SI: variants seen among roughly 807,000 people sequenced by gnomAD.
SI encodes sucrase-isomaltase, intestinal.
Under a neutral mutation model 253.3 loss-of-function variants are expected in SI, and 235 were observed. The observed-to-expected ratio is 0.93, with a 90% CI of 0.83 to 1.03. The LOEUF (loss-of-function observed/expected upper bound fraction) is 1.03, where lower values mean the gene tolerates loss of function less well. Ranked by LOEUF, SI falls within the 50% of genes least tolerant of loss-of-function variation. The probability of loss-of-function intolerance (pLI) is 0.00; values close to 1 mark genes in which losing one functional copy is unlikely to be tolerated. For synonymous variants in SI, 819 were observed against 712.0 expected (o/e 1.15, Z -2.39); for missense variants, 2,442 against 2,211.1 (o/e 1.10, Z -2.09).
chr3:165,087,104 A>G, the SI span, among the ~76,000 whole-genome samples: 15 of 152,078 alleles, frequency 9.9e-5, no homozygotes, highest in Non-Finnish European at 2.1e-4. Flanking sequence ...ACCTGAAGCT[A>G]GGGCAATGAA....
Position 165,016,078 on chromosome 3 carries a change from A to C in SI, c.3762T>G (p.Asp1254Glu), listed in dbSNP as rs1719013028. The C allele has an allele frequency of 6.2e-7, 1 of 1,612,498 alleles. No homozygotes were observed. The highest frequency in any genetic ancestry group is 1.7e-5 in the Admixed American group (1 of 59,954). Residue 1254 changes from aspartate (D) to glutamate (E), a missense_variant and splice_region_variant, in exon 32 of 48, where the codon GAT becomes GAG. By Grantham distance (45) the Asp-to-Glu change is conservative. Transcript: ENST00000264382. ...DAMVAANIPY[D>E]VQYTDIDYME... ...TGTAGTCAATGTCTGTGTACTGAACATCCTGAAATATCCAAAAATTATCAA... is the reference window on the plus strand; with the variant it reads ...TGTAGTCAATGTCTGTGTACTGAACCTCCTGAAATATCCAAAAATTATCAA...
chr3:165,023,572 T>C lies in SI; in HGVS notation c.3097A>G (p.Lys1033Glu). The change falls in exon 26 of 48, where the codon AAG (lysine) becomes GAG (glutamate). Residue 1033 changes from lysine to glutamate, a missense_variant and splice_region_variant. Physicochemically the swap from Lys to Glu is moderately conservative, Grantham distance 56. Transcript: ENST00000264382. ...GGGGTAGTTTATATCAAGCATACCT[T>C]AAACTGCAACATATCATTTTTGTGA... ...KYHKNDMLQF[K>E]IYDPQKKRYE... 2 of 1,608,970 alleles carry C rather than the reference T, an allele frequency of 1.2e-6. No individual in the cohort carries two copies. The highest frequency in any genetic ancestry group is 1.7e-6 in the Non-Finnish European group (2 of 1,176,310).
chr3:165,044,622 A>T (rs190039538), intron 16 of SI, among the ~76,000 whole-genome samples: 1 of 152,032 alleles, frequency 6.6e-6, no homozygotes. Context: ...ATTTTTACAG[A>T]TTTAAGGTAG....
intron 1 of SI, among the ~76,000 whole-genome samples, chr3:165,077,794 A>G (rs912217108): frequency 6.6e-6 from 1 of 151,618 alleles, no homozygotes; most frequent in African/African-American, 2.4e-5. Flanking sequence ...TAAAAAATGC[A>G]TTTTTGTCAT....
intron 6 of SI, among the ~76,000 whole-genome samples, chr3:165,066,902 C>T (rs1714273554): frequency 1.3e-5 from 2 of 151,852 alleles, no homozygotes; most frequent in African/African-American, 2.4e-5. Context: ...CTCATACAAT[C>T]ATAATGAAGG....
At chr3:165,036,887 TA>T (rs1010553748) in intron 21 of SI, among the ~76,000 whole-genome samples, 5 of 151,762 alleles carry the variant, frequency 3.3e-5, no homozygotes, top group African/African-American at 1.2e-4. Context: ...GATTAAAATT[TA>T]AAAAAAGTTT....
At position 164,989,689 on chromosome 3, in the gene SI, C is replaced by T. The variant is rs187188111; in HGVS notation, c.5108+1664G>A. On this transcript the variant is annotated intron_variant, in intron 44 of 47. Transcript: ENST00000264382. ...CAAATTAATGGAAAGGAAAGAGACACCTCCAAGCAATACTGACTTAAAGCT... is the reference window on the plus strand; with the variant it reads ...CAAATTAATGGAAAGGAAAGAGACATCTCCAAGCAATACTGACTTAAAGCT... Among the ~76,000 whole-genome samples, 462 of 152,090 alleles carry T rather than the reference C, an allele frequency of 3.0e-3. 5 individuals are homozygous for T. Among genetic ancestry groups the T allele is most frequent in the African/African-American group, 0.011 (444 of 41,514 alleles).
At chr3:165,089,068 C>T in the SI span, among the ~76,000 whole-genome samples, 1 of 122,850 alleles carries the variant, frequency 8.1e-6, no homozygotes, top group African/African-American at 3.0e-5. Context: ...TTTTTACGGC[C>T]TTTTCTTTTT....
In SI at chr3:165,017,866, T is replaced by A; in HGVS notation, c.3528A>T (p.Thr1176=). 2.5e-6 allele frequency: 4 copies of A among 1,611,442 alleles called. No individual in the cohort carries two copies. The South Asian group carries it at 4.4e-5, about 18-fold the overall frequency. ...AAGTTAGAGCAGGAGTTGGCTGGAATGTAACATCTGGAAATCCAAAATAAC... is the reference window on the plus strand; with the variant it reads ...AAGTTAGAGCAGGAGTTGGCTGGAAAGTAACATCTGGAAATCCAAAATAAC... ...FLLNSNAMDV[T]FQPTPALTYR... The change falls in exon 30 of 48, where the codon ACA becomes ACT. Residue 1176 remains threonine (T), a synonymous_variant. Transcript: ENST00000264382.
At chr3:165,030,609 AT>A (rs1332916339) in intron 25 of SI, 102 bp downstream of exon 25, 65 of 1,212,880 alleles carry the variant, frequency 5.4e-5, no homozygotes, top group Middle Eastern at 5.7e-4. Flanking sequence ...ATCTACTTGA[AT>A]TTAGTTTATA....
intron 34 of SI, among the ~76,000 whole-genome samples, chr3:165,012,491 C>T (rs1412853083): frequency 9.9e-5 from 15 of 151,990 alleles, no homozygotes; most frequent in African/African-American, 3.4e-4. Context: ...TGCAGTGGTG[C>T]GATCTGGGCT....
intron 3 of SI, among the ~76,000 whole-genome samples, chr3:165,072,686 G>C (rs1409182702): frequency 2.0e-5 from 3 of 152,016 alleles, no homozygotes; most frequent in Non-Finnish European, 4.4e-5. Flanking sequence ...AGCTCACATT[G>C]AAATTTGCAT....
chr3:165,062,254 G>T, intron 9 of SI, 117 bp downstream of exon 9: 3 of 644,532 alleles, frequency 4.7e-6, no homozygotes, highest in East Asian at 5.6e-5. Context: ...TAAGATTTTC[G>T]AAAACATTTA....
chr3:165,030,746 T>C lies in SI; in HGVS notation c.2858A>G (p.Gln953Arg). 6.2e-7 allele frequency: 1 copy of C among 1,609,396 alleles called. No homozygotes were observed. Among genetic ancestry groups the C allele is most frequent in the East Asian group, 2.2e-5 (1 of 44,672 alleles). Reference protein sequence around the residue: ...CYPDADLATEQKCTQRGCVWR... With the variant: ...CYPDADLATERKCTQRGCVWR... Reference sequence around the variant, plus strand: ...TACACAGCCACGTTGTGTGCACTTTTGTTCAGTTGCCAAATCTGCATCTGG... The same window carrying C: ...TACACAGCCACGTTGTGTGCACTTTCGTTCAGTTGCCAAATCTGCATCTGG... Residue 953 changes from glutamine (Q) to arginine (R), a missense_variant, in exon 25 of 48, where the codon CAA (glutamine) becomes CGA (arginine). Physicochemically the swap from Gln to Arg is conservative, Grantham distance 43 (BLOSUM62 1). Transcript: ENST00000264382.
chr3:164,979,306 G>T lies in SI; in HGVS notation c.*56C>A. ...GTGAAGAGGGAAAATTGTAAGTGCTGTGAAACTTAAATCCTGGTGTTTTTT... is the reference window on the plus strand; with the variant it reads ...GTGAAGAGGGAAAATTGTAAGTGCTTTGAAACTTAAATCCTGGTGTTTTTT... On this transcript the variant is annotated 3_prime_UTR_variant, in exon 48 of 48. Transcript: ENST00000264382. 1 of 1,025,174 alleles carries T rather than the reference G, an allele frequency of 9.8e-7. No individual in the cohort carries two copies. The highest frequency in any genetic ancestry group is 1.5e-6 in the Non-Finnish European group (1 of 648,014). The allele number at this position is 1,025,174 out of a possible 1,614,324, so 63.5% of individuals were successfully genotyped here.
chr3:165,081,485 G>A (rs921728565), upstream of SI, among the ~76,000 whole-genome samples: 9 of 151,942 alleles, frequency 5.9e-5, 1 homozygote, highest in South Asian at 4.1e-4. Flanking sequence ...AATCATGGAC[G>A]TCTACAGTAG....
At chr3:165,069,695 C>A (rs965231290) in intron 3 of SI, among the ~76,000 whole-genome samples, 8 of 151,874 alleles carry the variant, frequency 5.3e-5, no homozygotes, top group Middle Eastern at 3.4e-3. Flanking sequence ...AGTTTATGTG[C>A]CAGGTATCAC....
chr3:164,994,199 G>C, intron 41 of SI, 58 bp downstream of exon 41: 1 of 1,469,682 alleles, frequency 6.8e-7, no homozygotes, highest in South Asian at 1.1e-5. Flanking sequence ...AGAGATCATT[G>C]GGTAAATTAA....
chr3:165,031,194 C>A (rs933073394), intron 24 of SI, among the ~76,000 whole-genome samples: 5 of 149,386 alleles, frequency 3.3e-5, no homozygotes, highest in Middle Eastern at 3.2e-3. Flanking sequence ...ATAATGTGAG[C>A]AAGATTTATC....
Sources: gnomAD v4.1 joint callset for allele counts (sites outside exome capture counted in the v4.1 genomes callset) on GRCh38, gnomAD v4.1.1 for gene constraint, MANE v1.5 for transcripts, NCBI Gene and HGNC (gene_info 2026-07-23, HGNC 2026-07-21) for gene names.